The following ADGRB3 variants were observed in gnomAD, a reference collection of about 807,000 sequenced individuals.
ADGRB3 encodes the protein adhesion G protein-coupled receptor B3.
ADGRB3 carries 37 observed loss-of-function variants against 193.4 expected under a neutral mutation model. The ratio of observed to expected loss-of-function variants is 0.19; its 90% CI spans 0.15 to 0.25. The LOEUF is 0.25. Among genes scored for constraint, ADGRB3 ranks in the 10% least tolerant of loss-of-function variants. ADGRB3 has a pLI of 1.00. For synonymous variants in ADGRB3, 690 were observed against 644.2 expected, an observed-to-expected ratio of 1.07 and a Z score of -1.08; for missense variants, 1,637 against 1,852.9, an observed-to-expected ratio of 0.88 and a Z score of 2.14.
intron 16 of ADGRB3, among the ~76,000 whole-genome samples, chr6:69,067,405 T>C (rs1771940705): frequency 6.6e-6 from 1 of 152,170 alleles, no homozygotes; most frequent in South Asian, 2.1e-4. Flanking sequence ...CTATGACCTT[T>C]GTAAATCATA....
intron 3 of ADGRB3, among the ~76,000 whole-genome samples, chr6:68,856,794 G>A (rs1160740786): frequency 6.6e-6 from 1 of 152,208 alleles, no homozygotes; most frequent in Non-Finnish European, 1.5e-5. Context: ...AAAACAATGG[G>A]GAAAATGTCT....
In ADGRB3 at chr6:68,817,307, GTATATATATATATATATATATA is replaced by G. The variant is rs60723627; in HGVS notation, c.758-113219_758-113198del. Reference sequence around the variant, plus strand: ...GTATTTATTATTCCCTTTTGTCCATGTATATATATATATATATATATATATATATATATATATATATATATAT... The same window carrying G: ...GTATTTATTATTCCCTTTTGTCCATGTATATATATATATATATATATATAT... On this transcript the variant is annotated intron_variant, in intron 3 of 31. Coordinates refer to ENST00000370598, the MANE Select transcript of ADGRB3 (RefSeq NM_001704.3). 2.2e-3 allele frequency among the ~76,000 whole-genome samples: 96 copies of G among 44,174 alleles called. 4 individuals are homozygous for G. Among genetic ancestry groups the G allele is most frequent in the East Asian group, 5.4e-3 (4 of 740 alleles). The allele number at this position is 44,174 out of a possible 152,430, so 29.0% of individuals were successfully genotyped here. A position where few individuals can be genotyped will look rare whatever the true frequency, so the allele number is the denominator to read the frequency against.
At chr6:69,296,963 T>G (rs1282130800) in intron 20 of ADGRB3, among the ~76,000 whole-genome samples, 1 of 152,066 alleles carries the variant, frequency 6.6e-6, no homozygotes, top group South Asian at 2.1e-4. Context: ...GTCAACAGAG[T>G]AAAATCAGAG....
At chr6:68,834,098 T>C (rs1354350992) in intron 3 of ADGRB3, among the ~76,000 whole-genome samples, 2 of 146,372 alleles carry the variant, frequency 1.4e-5, no homozygotes, top group African/African-American at 4.9e-5. Flanking sequence ...TAAATCAACA[T>C]AATTGTGCTA....
intron 20 of ADGRB3, among the ~76,000 whole-genome samples, chr6:69,260,572 C>G (rs1023177002): frequency 5.9e-5 from 9 of 152,138 alleles, no homozygotes; most frequent in African/African-American, 2.2e-4. Flanking sequence ...TCTAGCCTGT[C>G]TCAACACCAG....
intron 20 of ADGRB3, among the ~76,000 whole-genome samples, chr6:69,269,325 A>C (rs1582593030): frequency 6.6e-6 from 1 of 152,148 alleles, no homozygotes; most frequent in Non-Finnish European, 1.5e-5. Context: ...TTGATACTTC[A>C]TTTTCAGAGA....
At chr6:68,768,644 G>A (rs147550648) in intron 3 of ADGRB3, among the ~76,000 whole-genome samples, 2 of 152,172 alleles carry the variant, frequency 1.3e-5, no homozygotes, top group Admixed American at 6.6e-5. Flanking sequence ...AAGGCTTCAC[G>A]ACTAAAACAC....
chr6:69,113,760 G>A (rs1331717711), intron 17 of ADGRB3, among the ~76,000 whole-genome samples: 1 of 152,056 alleles, frequency 6.6e-6, no homozygotes, highest in Non-Finnish European at 1.5e-5. Flanking sequence ...TTCGTGAGTG[G>A]CAATGGGCAT....
chr6:69,272,200 T>C (rs975825927), intron 20 of ADGRB3, among the ~76,000 whole-genome samples: 1 of 152,190 alleles, frequency 6.6e-6, no homozygotes, highest in African/African-American at 2.4e-5. Context: ...GCATTTGGGA[T>C]AGGTCCTGAG....
At chr6:68,638,557 T>C in intron 2 of ADGRB3, 104 bp from the exon 3 acceptor site, 1 of 1,205,728 alleles carries the variant, frequency 8.3e-7, no homozygotes, top group Admixed American at 2.5e-5. Flanking sequence ...AAAGGGCTTT[T>C]TACTGAAATC....
chr6:68,998,155 A>G (rs1769447966), intron 11 of ADGRB3, among the ~76,000 whole-genome samples: 1 of 152,218 alleles, frequency 6.6e-6, no homozygotes, highest in South Asian at 2.1e-4. Flanking sequence ...ATTCACCTTA[A>G]GAAATTAATA....
intron 3 of ADGRB3, among the ~76,000 whole-genome samples, chr6:68,688,074 A>T (rs1231956185): frequency 6.6e-6 from 1 of 152,158 alleles, no homozygotes; most frequent in Non-Finnish European, 1.5e-5. Flanking sequence ...TGTCCAAAAA[A>T]ATTAAGTCAT....
chr6:68,697,663 G>A (rs1765179005), intron 3 of ADGRB3, among the ~76,000 whole-genome samples: 1 of 151,854 alleles, frequency 6.6e-6, no homozygotes, highest in South Asian at 2.1e-4. Context: ...AAACTGTACA[G>A]CACTGTCACT....
intron 17 of ADGRB3, among the ~76,000 whole-genome samples, chr6:69,204,773 C>T (rs535288373): frequency 1.3e-5 from 2 of 152,078 alleles, no homozygotes; most frequent in South Asian, 4.2e-4. Context: ...TTTAGCAAGT[C>T]TTTTAATCTC....
chr6:68,637,827 A>G (rs1025299773), intron 2 of ADGRB3, among the ~76,000 whole-genome samples: 3 of 151,066 alleles, frequency 2.0e-5, no homozygotes, highest in Non-Finnish European at 4.4e-5. Flanking sequence ...AACTGATATC[A>G]CCTTTGGATA....
intron 17 of ADGRB3, among the ~76,000 whole-genome samples, chr6:69,191,532 A>G (rs1765186919): frequency 6.6e-6 from 1 of 152,136 alleles, no homozygotes; most frequent in South Asian, 2.1e-4. Flanking sequence ...ATTTATACCT[A>G]TGGTTGCATA....
intron 6 of ADGRB3, among the ~76,000 whole-genome samples, chr6:68,950,751 A>G (rs554490007): frequency 2.6e-5 from 4 of 152,268 alleles, no homozygotes; most frequent in East Asian, 3.9e-4. Context: ...TGTTTTTTCT[A>G]TGCCCACTGA....
intron 3 of ADGRB3, among the ~76,000 whole-genome samples, chr6:68,767,101 C>T (rs1766524630): frequency 6.6e-6 from 1 of 151,988 alleles, no homozygotes; most frequent in African/African-American, 2.4e-5. Flanking sequence ...AAAGTGCTTT[C>T]ATTTTAACTC....
chr6:68,697,316 G>T (rs1211662776), intron 3 of ADGRB3, among the ~76,000 whole-genome samples: 3 of 151,684 alleles, frequency 2.0e-5, no homozygotes, highest in East Asian at 3.9e-4. Flanking sequence ...TTAGAAATTT[G>T]TATATATGGC....
Sources: gnomAD v4.1 joint callset for allele counts (sites outside exome capture counted in the v4.1 genomes callset) on GRCh38, gnomAD v4.1.1 for gene constraint, MANE v1.5 for transcripts, NCBI Gene and HGNC (gene_info 2026-07-23, HGNC 2026-07-21) for gene names.